COL6A5: variants seen among roughly 807,000 people sequenced by gnomAD.
The protein encoded by COL6A5 is collagen alpha-5(VI) chain.
Under a neutral mutation model 65.6 loss-of-function variants are expected in COL6A5, and 48 were observed. The observed-to-expected ratio is 0.73, with a 90% CI of 0.58 to 0.93. The LOEUF is 0.93. COL6A5 is among the 40% of genes least tolerant of loss of function. The pLI, the probability that COL6A5 is intolerant of heterozygous loss-of-function variation, is 0.00. For synonymous variants in COL6A5, 291 were observed against 322.8 expected, an observed-to-expected ratio of 0.90 and a Z score of 1.05; for missense variants, 914 against 928.3, an observed-to-expected ratio of 0.98 and a Z score of 0.20.
At chr3:130,364,337 T>A (rs1935251482) in intron 1 of COL6A5, among the ~76,000 whole-genome samples, 1 of 152,218 alleles carries the variant, frequency 6.6e-6, no homozygotes, top group Non-Finnish European at 1.5e-5. Flanking sequence ...CCTAACCTAC[T>A]ATATCCTTTA....
intron 3 of COL6A5, 124 bp from the exon 36 acceptor site, chr3:130,443,352 C>T (rs1709230498): frequency 3.1e-6 from 2 of 645,218 alleles, no homozygotes; most frequent in South Asian, 4.6e-5. Flanking sequence ...TCACCCCAGC[C>T]AAATTTTGCT....
At chr3:130,425,015 G>C (rs1200635809) in intron 29 of COL6A5, among the ~76,000 whole-genome samples, 1 of 152,012 alleles carries the variant, frequency 6.6e-6, no homozygotes, top group African/African-American at 2.4e-5. Context: ...CCTCTCCATG[G>C]TTCTGATTCT....
rs1710122859 is a variant in COL6A5 at position 130,477,267 on chromosome 3, A to T, written c.2328+6300A>T. The T allele has an allele frequency of 7.4e-6, 4 of 537,062 alleles. No individual in the cohort carries two copies. The South Asian group carries it at 1.1e-4, about 15-fold the overall frequency. The allele number at this position is 537,062 out of a possible 1,614,324, so 33.3% of individuals were successfully genotyped here. On this transcript the variant is annotated intron_variant, in intron 7 of 7. Transcript: ENST00000512836. The stretch of plus-strand genomic sequence containing the variant: ...TATGCGTGGAATATAATCAACTAGT[A>T]TTATCCCTATTTGAATTATCTAAGT...
At chr3:130,409,458 G>T in intron 18 of COL6A5, 70 bp downstream of exon 18, 1 of 1,330,752 alleles carries the variant, frequency 7.5e-7, no homozygotes, top group East Asian at 2.5e-5. Flanking sequence ...CTTTCCCTTT[G>T]TGTTTCCTGC....
At chr3:130,429,608 C>A (rs1937711601), upstream of COL6A5, 1 of 1,541,542 alleles carries the variant, frequency 6.5e-7, no homozygotes, top group East Asian at 2.5e-5. Flanking sequence ...CCATGCTGTT[C>A]CCTGCTGAGA....
chr3:130,380,450 C>T (rs1935958058), intron 4 of COL6A5, among the ~76,000 whole-genome samples: 1 of 151,982 alleles, frequency 6.6e-6, no homozygotes, highest in Admixed American at 6.6e-5. Context: ...TTCTCTCATC[C>T]CTCACCCCTC....
At chr3:130,469,049 A>G (rs1264879292) in exon 6 of COL6A5, 2 of 1,612,940 alleles carry the variant, frequency 1.2e-6, no homozygotes, top group East Asian at 4.5e-5. Context: ...CTATATGCCT[A>G]ACACTGAAGA....
rs1231490728 is a variant in COL6A5, at chr3:130,471,088, G to GTA, written c.2328+122_2328+123insAT. ...AGTGTGTGTTTTTGTGTGTGTGTGTGTGTGTGTGTGTGTTTTAAATGCTAC... is the reference window on the plus strand; with the variant it reads ...AGTGTGTGTTTTTGTGTGTGTGTGTGTATGTGTGTGTGTGTTTTAAATGCTAC... On this transcript the variant is annotated intron_variant, in intron 7 of 7. Transcript: ENST00000512836. 120 of 694,048 alleles carry GTA rather than the reference G, an allele frequency of 1.7e-4. 3 individuals are homozygous for GTA. The Middle Eastern group carries it at 3.2e-3, about 19-fold the overall frequency. 43.0% of individuals were successfully genotyped at this position (694,048 alleles called of 1,614,324 possible).
At chr3:130,410,196 T>A in intron 19 of COL6A5, 122 bp downstream of exon 19, 1 of 749,802 alleles carries the variant, frequency 1.3e-6, no homozygotes, top group Non-Finnish European at 2.2e-6. Context: ...GAAAAGACCT[T>A]TATTTTTTGA....
chr3:130,412,085 C>T (rs952138477), intron 20 of COL6A5, among the ~76,000 whole-genome samples: 1 of 151,932 alleles, frequency 6.6e-6, no homozygotes, highest in African/African-American at 2.4e-5. Context: ...CCCGTTGTTC[C>T]CAAAACAATG....
At chr3:130,357,517 G>T (rs1261641121) in intron 1 of COL6A5, among the ~76,000 whole-genome samples, 1 of 152,142 alleles carries the variant, frequency 6.6e-6, no homozygotes, top group African/African-American at 2.4e-5. Context: ...AAAAATAATA[G>T]GCATTCTCAC....
chr3:130,437,579 C>T (rs533044255), intron 1 of COL6A5, among the ~76,000 whole-genome samples: 8 of 152,210 alleles, frequency 5.3e-5, no homozygotes, highest in Admixed American at 3.9e-4. Flanking sequence ...AAGGTCTTTA[C>T]AATGGCTTGC....
Position 130,443,127 on chromosome 3 carries a change from G to A in COL6A5, c.1242-349G>A, listed in dbSNP as rs564540082. ...CCTTGTCTCTGTTTGATCCGTTAGC[G>A]TAAGTCTGGGTGAAAAACCTTTGAT... On this transcript the variant is annotated intron_variant, in intron 3 of 7. Coordinates refer to ENST00000512836, the Ensembl canonical transcript of COL6A5. 5.3e-5 allele frequency among the ~76,000 whole-genome samples: 8 copies of A among 152,240 alleles called. No homozygotes were observed. In the South Asian group the frequency reaches 6.2e-4, roughly 12 times the overall value.
chr3:130,393,750 C>T (rs957090809), intron 7 of COL6A5, among the ~76,000 whole-genome samples: 2 of 152,200 alleles, frequency 1.3e-5, no homozygotes, highest in Non-Finnish European at 1.5e-5. Context: ...AAGCAAATTT[C>T]GCCCATGAGA....
chr3:130,433,501 T>G lies in COL6A5; in HGVS notation c.487+1552T>G, dbSNP rs543329569. Among the ~76,000 whole-genome samples the G allele has an allele frequency of 2.6e-5, 4 of 152,306 alleles. No homozygotes were observed. The South Asian group carries it at 8.3e-4, about 32-fold the overall frequency. On this transcript the variant is annotated intron_variant, in intron 1 of 7. Transcript: ENST00000512836. Reference sequence around the variant, plus strand: ...GCCAGATAATAACCCCACACAGTCATTCTGACTGCATATCACGCCTTGAGC... The same window carrying G: ...GCCAGATAATAACCCCACACAGTCAGTCTGACTGCATATCACGCCTTGAGC...
chr3:130,399,763 AC>A (rs1936752658), intron 10 of COL6A5, among the ~76,000 whole-genome samples: 3 of 116,580 alleles, frequency 2.6e-5, no homozygotes, highest in African/African-American at 9.7e-5. Context: ...ATATATATAT[AC>A]TTTTTTAGAT....
chr3:130,376,978 C>T, intron 3 of COL6A5, 142 bp downstream of exon 3: 1 of 935,898 alleles, frequency 1.1e-6, no homozygotes, highest in Non-Finnish European at 1.5e-6. Context: ...TACCTACTCG[C>T]TTCTGCCTTT....
At position 130,368,145 on chromosome 3, in the gene COL6A5, C is replaced by G. The variant is rs1935410970; in HGVS notation, c.-28-5466C>G. 2.0e-5 allele frequency among the ~76,000 whole-genome samples: 3 copies of G among 152,194 alleles called. No individual in the cohort carries two copies. In the South Asian group the frequency reaches 6.2e-4, roughly 32 times the overall value. ...ATGGAACCAGGATGGTTTACACAGCCTCTCCTGCTACAGCAGGCTCCCTGG... is the reference window on the plus strand; with the variant it reads ...ATGGAACCAGGATGGTTTACACAGCGTCTCCTGCTACAGCAGGCTCCCTGG... On this transcript the variant is annotated intron_variant and NMD_transcript_variant, in intron 1 of 41. Transcript: ENST00000312481.
In COL6A5 at chr3:130,399,580, C is replaced by T. The variant is rs192879498; in HGVS notation, c.3992-1451C>T. On this transcript the variant is annotated intron_variant and NMD_transcript_variant, in intron 10 of 41. Transcript: ENST00000312481. ...TAGAGATGGGGTTTCACCGTGTTAG[C>T]CAGGATGGCCTGGATCTCCTGACCT... is the stretch of plus-strand genomic sequence containing the variant. Among the ~76,000 whole-genome samples the T allele has an allele frequency of 1.1e-3, 173 of 151,866 alleles. 1 individual carries two copies. The highest frequency in any genetic ancestry group is 3.9e-3 in the African/African-American group (163 of 41,412).
Sources: allele counts gnomAD v4.1 joint callset (sites outside exome capture counted in the v4.1 genomes callset), GRCh38; gene constraint gnomAD v4.1.1; transcripts MANE v1.5; gene names NCBI Gene and HGNC (gene_info 2026-07-23, HGNC 2026-07-21).